The following FOXN3 variants were observed in gnomAD, a reference collection of about 807,000 sequenced individuals.
The protein encoded by FOXN3 is forkhead box N3, also known as forkhead box protein N3.
Under a neutral mutation model 38.4 loss-of-function variants are expected in FOXN3, and 7 were observed. That is an observed-to-expected ratio of 0.18 (90% confidence interval 0.10 to 0.34). The LOEUF is 0.34. Among genes scored for constraint, FOXN3 ranks in the 10% least tolerant of loss-of-function variants. FOXN3 has a pLI of 1.00. For missense variants in FOXN3, 456 were observed against 613.4 expected (o/e 0.74, Z 2.71); for synonymous variants, 230 against 242.2 (o/e 0.95, Z 0.47).
chr14:89,558,519 C>G (rs1895173208), intron 1 of FOXN3, among the ~76,000 whole-genome samples: 1 of 152,158 alleles, frequency 6.6e-6, no homozygotes, highest in African/African-American at 2.4e-5. Flanking sequence ...GGAAACAAGA[C>G]AGCAGTTTAA....
At chr14:89,611,805 CAAAA>C (rs56373132) in intron 1 of FOXN3, among the ~76,000 whole-genome samples, 3 of 89,306 alleles carry the variant, frequency 3.4e-5, no homozygotes, top group Non-Finnish European at 4.4e-5. Flanking sequence ...GACTCCGTCT[CAAAA>C]AAAAAAAAAA....
At chr14:89,205,922 C>T (rs1028653489) in intron 4 of FOXN3, among the ~76,000 whole-genome samples, 1 of 152,206 alleles carries the variant, frequency 6.6e-6, no homozygotes, top group Non-Finnish European at 1.5e-5. Flanking sequence ...GCCCTGGGAG[C>T]GGGTTAAGGG....
At chr14:89,387,320 T>C (rs1189725821) in intron 2 of FOXN3, among the ~76,000 whole-genome samples, 1 of 152,130 alleles carries the variant, frequency 6.6e-6, no homozygotes, top group Admixed American at 6.5e-5. Flanking sequence ...ATTCAATCTA[T>C]AGCACCAACA....
At chr14:89,469,316 T>C (rs1370183896) in intron 1 of FOXN3, among the ~76,000 whole-genome samples, 2 of 152,146 alleles carry the variant, frequency 1.3e-5, no homozygotes, top group African/African-American at 2.4e-5. Context: ...CTCCAAGGCA[T>C]ACCCAGTTGG....
At chr14:89,233,156 G>C (rs532727578) in intron 4 of FOXN3, among the ~76,000 whole-genome samples, 1 of 152,298 alleles carries the variant, frequency 6.6e-6, no homozygotes, top group East Asian at 1.9e-4. Flanking sequence ...GAGAGATATT[G>C]ATTTAAAGCT....
intron 1 of FOXN3, among the ~76,000 whole-genome samples, chr14:89,519,656 C>T (rs1894279664): frequency 6.6e-6 from 1 of 152,158 alleles, no homozygotes; most frequent in Non-Finnish European, 1.5e-5. Flanking sequence ...GAGTGCCCAC[C>T]ATTCCTCAAG....
intron 4 of FOXN3, among the ~76,000 whole-genome samples, chr14:89,215,982 C>T (rs1884268383): frequency 6.6e-6 from 1 of 152,120 alleles, no homozygotes. Context: ...TATTAATTTG[C>T]CAAGTGTTGT....
chr14:89,451,886 C>G (rs994099023), intron 1 of FOXN3, among the ~76,000 whole-genome samples: 1 of 152,052 alleles, frequency 6.6e-6, no homozygotes, highest in Admixed American at 6.6e-5. Context: ...CGGAATCATA[C>G]CGACCCCAGA....
At chr14:89,307,794 A>T (rs1196106303) in intron 3 of FOXN3, among the ~76,000 whole-genome samples, 3 of 152,176 alleles carry the variant, frequency 2.0e-5, no homozygotes, top group Admixed American at 6.5e-5. Context: ...GCCATTCTTA[A>T]CCTTTCAGAA....
intron 1 of FOXN3, among the ~76,000 whole-genome samples, chr14:89,575,245 A>T (rs1229647079): frequency 6.6e-6 from 1 of 152,196 alleles, no homozygotes; most frequent in East Asian, 1.9e-4. Flanking sequence ...CATAGTTAAG[A>T]TCACTCTAAG....
chr14:89,348,074 T>G (rs1888821070), intron 3 of FOXN3, among the ~76,000 whole-genome samples: 1 of 151,974 alleles, frequency 6.6e-6, no homozygotes, highest in South Asian at 2.1e-4. Context: ...CCGCAGCATT[T>G]CCAGCCACCT....
chr14:89,561,770 C>T (rs1895254087), intron 1 of FOXN3, among the ~76,000 whole-genome samples: 1 of 152,158 alleles, frequency 6.6e-6, no homozygotes, highest in South Asian at 2.1e-4. Context: ...TTCCTCCTCT[C>T]CCTGTAGCTG....
chr14:89,227,646 C>T (rs1484859070), intron 4 of FOXN3, among the ~76,000 whole-genome samples: 1 of 152,164 alleles, frequency 6.6e-6, no homozygotes, highest in African/African-American at 2.4e-5. Context: ...CCCTTGAATG[C>T]AGATGGGACT....
At chr14:89,485,664 A>G (rs1893430749) in intron 1 of FOXN3, among the ~76,000 whole-genome samples, 2 of 152,172 alleles carry the variant, frequency 1.3e-5, no homozygotes, top group Admixed American at 6.5e-5. Context: ...TCCCAGCAGG[A>G]CAGTGCCAGC....
At chr14:89,407,463 T>C (rs1358268220) in intron 2 of FOXN3, among the ~76,000 whole-genome samples, 2 of 152,206 alleles carry the variant, frequency 1.3e-5, no homozygotes, top group Non-Finnish European at 2.9e-5. Context: ...TTGAGCATGG[T>C]TGTTATGTAA....
At chr14:89,594,864 T>G (rs1195552232) in intron 1 of FOXN3, among the ~76,000 whole-genome samples, 2 of 151,892 alleles carry the variant, frequency 1.3e-5, no homozygotes, top group African/African-American at 4.8e-5. Context: ...AAAGTGAGAC[T>G]CTGTGTCAAA....
At chr14:89,461,061 C>A (rs959491831) in intron 1 of FOXN3, among the ~76,000 whole-genome samples, 1 of 149,650 alleles carries the variant, frequency 6.7e-6, no homozygotes, top group Non-Finnish European at 1.5e-5. Flanking sequence ...GGGCTGGGCG[C>A]AGTGGCTCAC....
intron 1 of FOXN3, among the ~76,000 whole-genome samples, chr14:89,466,860 G>T (rs1014566127): frequency 6.6e-6 from 1 of 152,182 alleles, no homozygotes; most frequent in African/African-American, 2.4e-5. Context: ...ACGGCAAGGT[G>T]GGGGCACACT....
intron 2 of FOXN3, among the ~76,000 whole-genome samples, chr14:89,366,372 A>G (rs950816260): frequency 2.0e-5 from 3 of 152,244 alleles, no homozygotes; most frequent in Non-Finnish European, 4.4e-5. Flanking sequence ...GAACGTGGGC[A>G]TGTTCCTCTT....
Sources: gnomAD v4.1 joint callset for allele counts (sites outside exome capture counted in the v4.1 genomes callset) on GRCh38, gnomAD v4.1.1 for gene constraint, MANE v1.5 for transcripts, NCBI Gene and HGNC (gene_info 2026-07-23, HGNC 2026-07-21) for gene names.